PPP2R5C: variants seen among roughly 807,000 people sequenced by gnomAD.
The protein encoded by PPP2R5C is serine/threonine-protein phosphatase 2A 56 kDa regulatory subunit gamma isoform.
PPP2R5C carries 7 observed loss-of-function variants against 68.9 expected under a neutral mutation model. That is an observed-to-expected ratio of 0.10 (90% CI 0.06 to 0.19). The LOEUF is 0.19. Among genes scored for constraint, PPP2R5C ranks in the 10% least tolerant of loss-of-function variants. The pLI, the probability that PPP2R5C is intolerant of heterozygous loss-of-function variation, is 1.00. For synonymous variants in PPP2R5C, 210 were observed against 222.2 expected (o/e 0.95, Z 0.49); for missense variants, 348 against 641.3 (o/e 0.54, Z 4.94).
intron 1 of PPP2R5C, among the ~76,000 whole-genome samples, chr14:101,831,232 T>A (rs1334099020): frequency 1.3e-5 from 2 of 152,242 alleles, no homozygotes; most frequent in African/African-American, 4.8e-5. Flanking sequence ...TCTTAATATG[T>A]TATCTGTGAT....
At chr14:101,863,562 C>T (rs2042882447) in intron 2 of PPP2R5C, among the ~76,000 whole-genome samples, 2 of 152,168 alleles carry the variant, frequency 1.3e-5, no homozygotes, top group South Asian at 2.1e-4. Context: ...AACAGTGCCA[C>T]TCAAAGGCTG....
chr14:101,807,930 A>C (rs535289378), upstream of PPP2R5C, among the ~76,000 whole-genome samples: 42 of 149,000 alleles, frequency 2.8e-4, no homozygotes, highest in African/African-American at 9.7e-4. Context: ...TAGGATAGGC[A>C]CATTTTTTCA....
At chr14:101,924,595 A>G (rs1207532871) in intron 13 of PPP2R5C, among the ~76,000 whole-genome samples, 1 of 151,662 alleles carries the variant, frequency 6.6e-6, no homozygotes, top group African/African-American at 2.4e-5. Context: ...GGCGCGCGCC[A>G]CTACACCCAT....
At chr14:101,880,824 G>A (rs2044122102) in intron 2 of PPP2R5C, among the ~76,000 whole-genome samples, 1 of 152,162 alleles carries the variant, frequency 6.6e-6, no homozygotes, top group African/African-American at 2.4e-5. Context: ...GGAAGAAACA[G>A]CAGTGGTGAC....
At chr14:101,824,329 A>G in intron 1 of PPP2R5C, 1 of 481,208 alleles carries the variant, frequency 2.1e-6, no homozygotes, top group Non-Finnish European at 3.2e-6. Context: ...GTTTTAGTGT[A>G]GACATTTGTC....
At chr14:101,830,573 C>T (rs1214687569) in intron 1 of PPP2R5C, among the ~76,000 whole-genome samples, 2 of 152,158 alleles carry the variant, frequency 1.3e-5, no homozygotes, top group African/African-American at 2.4e-5. Context: ...AATCCTGAGG[C>T]GGGCTTCTGA....
intron 2 of PPP2R5C, among the ~76,000 whole-genome samples, chr14:101,768,553 C>T (rs1016818263): frequency 2.0e-4 from 31 of 152,116 alleles, no homozygotes; most frequent in African/African-American, 7.2e-4. Context: ...TGGCATGGCT[C>T]TGTTTTTGCT....
chr14:101,848,251 G>T (rs2041957096), intron 1 of PPP2R5C, among the ~76,000 whole-genome samples: 1 of 152,078 alleles, frequency 6.6e-6, no homozygotes, highest in South Asian at 2.1e-4. Context: ...TGTGTTGGGG[G>T]GCCGGGCGTG....
intron 13 of PPP2R5C, among the ~76,000 whole-genome samples, chr14:101,920,448 A>G (rs1044257415): frequency 6.6e-6 from 1 of 151,890 alleles, no homozygotes; most frequent in Non-Finnish European, 1.5e-5. Context: ...TGTTTTCACA[A>G]CTCTTGAAAT....
chr14:101,875,375 T>C (rs936812360), intron 2 of PPP2R5C, among the ~76,000 whole-genome samples: 2 of 152,216 alleles, frequency 1.3e-5, no homozygotes, highest in African/African-American at 4.8e-5. Context: ...AAAGAAAATG[T>C]ACAGCATCAT....
chr14:101,821,452 G>GGTGTGTGTGT lies in PPP2R5C; in HGVS notation c.94+11439_94+11448dup, dbSNP rs71116851. On this transcript the variant is annotated intron_variant, in intron 1 of 13. Transcript: ENST00000334743. ...TCTCCCTGTGGGGGGTGGGTGGGTGGGTGTGTGTGTGTGTGTGTGTGTGTG... is the reference window on the plus strand; with the variant it reads ...TCTCCCTGTGGGGGGTGGGTGGGTGGGTGTGTGTGTGTGTGTGTGTGTGTGTGTGTGTGTG... Among the ~76,000 whole-genome samples the GGTGTGTGTGT allele has an allele frequency of 3.2e-3, 389 of 121,396 alleles. 3 individuals are homozygous for GGTGTGTGTGT. Among genetic ancestry groups the GGTGTGTGTGT allele is most frequent in the Non-Finnish European group, 4.8e-3 (293 of 60,514 alleles). 79.6% of individuals were successfully genotyped at this position (121,396 alleles called of 152,430 possible). A position where few individuals can be genotyped will look rare whatever the true frequency, so the allele number is the denominator to read the frequency against.
At chr14:101,927,647 C>T (rs1745093911) in exon 14 of PPP2R5C, 1 of 152,442 alleles carries the variant, frequency 6.6e-6, no homozygotes, top group African/African-American at 2.4e-5. Flanking sequence ...TACATTGTAT[C>T]TTTGTTTTAT....
chr14:101,784,512 G>A (rs187348882), intron 2 of PPP2R5C, among the ~76,000 whole-genome samples: 76 of 142,522 alleles, frequency 5.3e-4, no homozygotes, highest in East Asian at 5.3e-3. Context: ...AGAGAAAGTG[G>A]GGGGGGGGAA....
intron 1 of PPP2R5C, among the ~76,000 whole-genome samples, chr14:101,841,621 C>T (rs992809842): frequency 2.6e-5 from 4 of 152,208 alleles, no homozygotes; most frequent in Non-Finnish European, 5.9e-5. Flanking sequence ...AAGGGGGTTG[C>T]CCACGGTCAC....
chr14:101,896,079 G>C (rs2045304248), intron 8 of PPP2R5C, among the ~76,000 whole-genome samples: 1 of 152,026 alleles, frequency 6.6e-6, no homozygotes, highest in Admixed American at 6.6e-5. Flanking sequence ...GAGTGCAATG[G>C]TGCAATCTTG....
rs1001751946 is a variant in PPP2R5C at position 101,915,513 on chromosome 14, G to A, written c.1327-2318G>A. 7.9e-5 allele frequency among the ~76,000 whole-genome samples: 12 copies of A among 152,226 alleles called. No individual in the cohort carries two copies. The highest frequency in any genetic ancestry group is 4.1e-4 in the South Asian group (2 of 4,830). ...CCTTTGCCCCGAGGGCCAGAGAGCC[G>A]TGCTCCAAGCGGAGGCTGTTGGTGG... On this transcript the variant is annotated intron_variant, in intron 12 of 13. Transcript: ENST00000334743. This position sits in a 1 kb window ranked among gnomAD's most constrained non-coding sequence, Gnocchi z 4.2.
chr14:101,760,686 T>C, upstream of PPP2R5C: 1 of 845,050 alleles, frequency 1.2e-6, no homozygotes, highest in Non-Finnish European at 1.3e-6. Flanking sequence ...GGCTGTCGGA[T>C]GGGCGGGACC....
At chr14:101,773,932 C>T (rs530644726) in intron 2 of PPP2R5C, among the ~76,000 whole-genome samples, 11 of 152,314 alleles carry the variant, frequency 7.2e-5, no homozygotes, top group African/African-American at 2.4e-4. Context: ...TGGCCTCAAG[C>T]GATCCTCCTA....
At chr14:101,885,578 C>T (rs1358759096) in intron 5 of PPP2R5C, among the ~76,000 whole-genome samples, 1 of 152,244 alleles carries the variant, frequency 6.6e-6, no homozygotes, top group Non-Finnish European at 1.5e-5. Flanking sequence ...TCCTGACCTG[C>T]ACACCTGATA....
Sources: gnomAD v4.1 joint callset for allele counts (sites outside exome capture counted in the v4.1 genomes callset) on GRCh38, gnomAD v4.1.1 for gene constraint, Gnocchi (gnomAD v3.1) non-coding constraint, MANE v1.5 for transcripts, NCBI Gene and HGNC (gene_info 2026-07-23, HGNC 2026-07-21) for gene names.